Variants in ERCC5 observed in about 807,000 individuals in gnomAD.
The protein encoded by ERCC5 is DNA excision repair protein ERCC-5.
Under a neutral mutation model 105.6 loss-of-function variants are expected in ERCC5, and 68 were observed. The observed-to-expected ratio is 0.64, with a 90% CI of 0.53 to 0.79. The LOEUF (loss-of-function observed/expected upper bound fraction) is 0.79. ERCC5 is among the 30% of genes least tolerant of loss of function. The pLI is 0.00. For missense variants in ERCC5, 1,373 were observed against 1,426.7 expected (o/e 0.96, Z 0.61); for synonymous variants, 546 against 526.2 (o/e 1.04, Z -0.51).
At chr13:102,855,309 G>T (rs1446104860) in intron 4 of ERCC5, among the ~76,000 whole-genome samples, 1 of 151,784 alleles carries the variant, frequency 6.6e-6, no homozygotes, top group Non-Finnish European at 1.5e-5. Context: ...GAGTGCAGTG[G>T]CACAATCTCA....
chr13:102,846,277 A>C lies in ERCC5; in HGVS notation c.11A>C (p.Gln4Pro). Residue 4 changes from glutamine (Q) to proline (P), a missense_variant, in exon 1 of 15, where the codon CAG (glutamine) becomes CCG (proline). By Grantham distance (76) the Gln-to-Pro change is moderately conservative. Transcript: ENST00000652225. MGV[Q>P]GLWKLLECSG... ...GGACGCAGCCGCCTCATGGGGGTCC[A>C]GGGGCTCTGGAAGCTGCTGGAGTGC... 1 of 1,613,574 alleles carries C rather than the reference A, an allele frequency of 6.2e-7. No homozygotes were observed. The highest frequency in any genetic ancestry group is 8.5e-7 in the Non-Finnish European group (1 of 1,179,838).
intron 14 of ERCC5, chr13:102,874,980 G>A (rs984736826): frequency 7.6e-6 from 2 of 261,682 alleles, no homozygotes; most frequent in African/African-American, 4.5e-5. Context: ...CCATGAAGTC[G>A]TGTTGCTCCT....
intron 4 of ERCC5, among the ~76,000 whole-genome samples, chr13:102,854,865 T>G (rs957363699): frequency 8.5e-5 from 13 of 152,186 alleles, no homozygotes; most frequent in African/African-American, 2.4e-4. Context: ...CTGCTCAGCC[T>G]CTCTGTGGAC....
Position 102,852,358 on chromosome 13 carries a change from T to G in ERCC5, c.264+65T>G, listed in dbSNP as rs1036585459. The stretch of plus-strand genomic sequence containing the variant: ...TTTTCTTTCTGCATTCTTAGAAAAA[T>G]TCACATAAAATTTTTGTTTTCTCTT... On this transcript the variant is annotated intron_variant, in intron 2 of 14. Coordinates refer to ENST00000652225, the MANE Select transcript of ERCC5 (RefSeq NM_000123.4). 12 of 1,583,906 alleles carry G rather than the reference T, an allele frequency of 7.6e-6. No homozygotes were observed. The African/African-American group carries it at 1.4e-4, about 18-fold the overall frequency.
Position 102,872,322 on chromosome 13 carries a change from G to A in ERCC5, c.2803G>A (p.Ala935Thr), listed in dbSNP as rs1883062091. The A allele has an allele frequency of 1.2e-6, 2 of 1,614,130 alleles. No homozygotes were observed. Among genetic ancestry groups the A allele is most frequent in the Non-Finnish European group, 8.5e-7 (1 of 1,180,024 alleles). ...CTTTCCTAACCCAGCTGTTGCCGAG[G>A]CCTACCTCAAACCCGTGGTGGATGA... ...PGFPNPAVAE[A>T]YLKPVVDDSK... The change falls in exon 13 of 15, where the codon GCC becomes ACC. Residue 935 changes from alanine (A) to threonine (T), a missense_variant. Around this residue, in one of 3 missense-constraint regions of ERCC5, gnomAD observed 367 missense variants for 350.2 expected, o/e 1.05. Coordinates refer to ENST00000652225, the MANE Select transcript of ERCC5 (RefSeq NM_000123.4).
At chr13:102,873,655 T>G (rs1883104559) in intron 14 of ERCC5, among the ~76,000 whole-genome samples, 1 of 152,216 alleles carries the variant, frequency 6.6e-6, no homozygotes, top group African/African-American at 2.4e-5. Context: ...TTTACTTTCA[T>G]TTTTTAACGA....
At chr13:102,860,774 C>G (rs1046042223) in intron 6 of ERCC5, among the ~76,000 whole-genome samples, 1 of 152,032 alleles carries the variant, frequency 6.6e-6, no homozygotes, top group African/African-American at 2.4e-5. Context: ...ATGGGAAATG[C>G]CTTATAATGT....
intron 1 of ERCC5, chr13:102,849,063 G>A (rs1882091672): frequency 2.1e-6 from 1 of 484,428 alleles, no homozygotes; most frequent in African/African-American, 2.0e-5. Flanking sequence ...AAAGTAGTGG[G>A]CCAAGTAGAA....
Position 102,865,734 on chromosome 13 carries a change from C to T in ERCC5, c.2022C>T (p.Ser674=). Residue 674 remains serine, a synonymous_variant, in exon 9 of 15, where the codon TCC becomes TCT. Transcript: ENST00000652225. The surrounding 1 kb of genome is among the most constrained non-coding windows in gnomAD (Gnocchi z 4.0). The part of the protein sequence containing the change: ...EELQAEFPET[S]KPPSEQGEEE... The stretch of plus-strand genomic sequence containing the variant: ...TTCAAGCAGAATTCCCTGAAACTTC[C>T]AAACCTCCCTCAGAACAAGGCGAAG... 1 of 1,613,838 alleles carries T rather than the reference C, an allele frequency of 6.2e-7. No individual in the cohort carries two copies. The highest frequency in any genetic ancestry group is 8.5e-7 in the Non-Finnish European group (1 of 1,179,862).
chr13:102,873,264 G>T lies in ERCC5; in HGVS notation c.2885G>T (p.Cys962Phe). Residue 962 changes from cysteine (C) to phenylalanine (F), a missense_variant, in exon 14 of 15, where the codon TGT (cysteine) becomes TTT (phenylalanine). Cys to Phe is a radical substitution (Grantham distance 205). This residue lies in a region of ERCC5 where 367 missense variants were observed against 350.2 expected (regional missense o/e 1.05). Coordinates refer to ENST00000652225, the MANE Select transcript of ERCC5 (RefSeq NM_000123.4). Reference sequence around the variant, plus strand: ...TAAGTCTTAACTGCATGCATATTTTGTCAGCGGTATTTCGGCTGGAACAGA... The same window carrying T: ...TAAGTCTTAACTGCATGCATATTTTTTCAGCGGTATTTCGGCTGGAACAGA... ...KPDLDKIREF[C>F]QRYFGWNRTK... is the part of the protein sequence containing the mutation. 1.9e-6 allele frequency: 3 copies of T among 1,614,070 alleles called. No individual in the cohort carries two copies. The highest frequency in any genetic ancestry group is 2.5e-6 in the Non-Finnish European group (3 of 1,179,994).
At chr13:102,864,077 T>G (rs1882744914) in intron 8 of ERCC5, among the ~76,000 whole-genome samples, 1 of 151,024 alleles carries the variant, frequency 6.6e-6, no homozygotes, top group Non-Finnish European at 1.5e-5. Context: ...GCTAATTTAG[T>G]GTTCACAGAG....
chr13:102,847,365 A>G (rs16960632), intron 1 of ERCC5, among the ~76,000 whole-genome samples: 2,911 of 150,024 alleles, frequency 0.019, 224 homozygotes, highest in East Asian at 0.14. Flanking sequence ...AATTTCCTAA[A>G]TGGGGATCTA....
intron 4 of ERCC5, among the ~76,000 whole-genome samples, chr13:102,854,907 G>T (rs1490654819): frequency 1.3e-5 from 2 of 152,218 alleles, no homozygotes; most frequent in African/African-American, 4.8e-5. Context: ...TTAATGGTTG[G>T]TGGTTTCTGT....
chr13:102,861,616 A>C lies in ERCC5; in HGVS notation c.782A>C (p.His261Pro), dbSNP rs1198447995. 6.2e-7 allele frequency: 1 copy of C among 1,614,200 alleles called. No individual in the cohort carries two copies. The highest frequency in any genetic ancestry group is 8.5e-7 in the Non-Finnish European group (1 of 1,180,024). ...GAAATGAATCAGCAACATTCAGGAC[A>C]CATCCGAAGGCAGTATGAAGATGAA... ...QKEMNQQHSG[H>P]IRRQYEDEGG... is the part of the protein sequence containing the mutation. Residue 261 changes from histidine (H) to proline (P), a missense_variant, in exon 7 of 15, where the codon CAC becomes CCC. Around this residue, in one of 3 missense-constraint regions of ERCC5, gnomAD observed 1,004 missense variants for 1,059.7 expected, o/e 0.95. Coordinates refer to ENST00000652225, the MANE Select transcript of ERCC5 (RefSeq NM_000123.4).
intron 8 of ERCC5, 95 bp downstream of exon 8, chr13:102,863,198 T>C (rs1595384022): frequency 2.2e-6 from 3 of 1,378,684 alleles, no homozygotes; most frequent in African/African-American, 1.4e-5. Context: ...TTTAACTTTT[T>C]ACAGATAAGG....
Position 102,866,772 on chromosome 13 carries a change from T to C in ERCC5, c.2460T>C (p.His820=). 5.0e-6 allele frequency: 8 copies of C among 1,614,268 alleles called. No individual in the cohort carries two copies. Among genetic ancestry groups the C allele is most frequent in the Non-Finnish European group, 6.8e-6 (8 of 1,180,040 alleles). Residue 820 remains histidine, a synonymous_variant, in exon 11 of 15, where the codon CAT becomes CAC. Coordinates refer to ENST00000652225, the MANE Select transcript of ERCC5 (RefSeq NM_000123.4). ...DSDIWLFGAR[H]VYRNFFNKNK... ...ATATCTGGCTGTTTGGAGCGCGGCA[T>C]GTCTATAGAAACTTTTTTAATAAAA...
intron 9 of ERCC5, 173 bp downstream of exon 9, chr13:102,866,084 T>C: frequency 2.1e-6 from 3 of 1,461,138 alleles, no homozygotes; most frequent in East Asian, 2.3e-5. Flanking sequence ...CCGTTTTCCA[T>C]GTGGTTTAGT....
At chr13:102,850,800 C>T (rs930466295) in intron 1 of ERCC5, among the ~76,000 whole-genome samples, 1 of 152,024 alleles carries the variant, frequency 6.6e-6, no homozygotes, top group African/African-American at 2.4e-5. Flanking sequence ...TGCTCTGGGC[C>T]AGACATATAC....
chr13:102,874,402 A>T (rs1883128388), intron 14 of ERCC5, among the ~76,000 whole-genome samples: 1 of 152,250 alleles, frequency 6.6e-6, no homozygotes, highest in Non-Finnish European at 1.5e-5. Flanking sequence ...TCTTAATTCC[A>T]GATGACTAGA....
Sources: gnomAD v4.1 joint callset for allele counts (sites outside exome capture counted in the v4.1 genomes callset) on GRCh38, gnomAD v4.1.1 for gene constraint, gnomAD v4.1.1 regional missense constraint, Gnocchi (gnomAD v3.1) non-coding constraint, MANE v1.5 for transcripts, NCBI Gene and HGNC (gene_info 2026-07-23, HGNC 2026-07-21) for gene names.